Variants in MYO5B observed in about 807,000 individuals in gnomAD.
The protein encoded by MYO5B is myosin VB, also known as unconventional myosin-Vb.
In MYO5B, 143 loss-of-function variants were observed where a neutral mutation model predicts 229.3. The ratio of observed to expected loss-of-function variants is 0.62; its 90% CI spans 0.54 to 0.72. MYO5B has a LOEUF of 0.72. Ranked by LOEUF, MYO5B falls within the 30% of genes least tolerant of loss-of-function variation. The pLI is 0.00. For missense variants in MYO5B, 2,321 were observed against 2,331.0 expected, an observed-to-expected ratio of 1.00 and a Z score of 0.09; for synonymous variants, 918 against 885.2, an observed-to-expected ratio of 1.04 and a Z score of -0.66.
intron 4 of MYO5B, among the ~76,000 whole-genome samples, chr18:50,024,137 G>A (rs755037042): frequency 6.6e-6 from 1 of 152,132 alleles, no homozygotes; most frequent in African/African-American, 2.4e-5. Flanking sequence ...AATGACAAAT[G>A]GAATAAAACT....
chr18:50,036,809 C>A (rs1271486307), intron 4 of MYO5B, 41 bp downstream of exon 4: 1 of 1,612,992 alleles, frequency 6.2e-7, no homozygotes, highest in South Asian at 1.1e-5. Context: ...TTCCTGCCCA[C>A]TGACTACTCA....
intron 4 of MYO5B, 50 bp downstream of exon 4, chr18:50,036,800 T>C: frequency 1.2e-6 from 2 of 1,609,806 alleles, no homozygotes; most frequent in Non-Finnish European, 1.7e-6. Context: ...AAACTCCCCT[T>C]CCTGCCCACT....
At chr18:49,903,134 T>G (rs2024862609) in intron 20 of MYO5B, among the ~76,000 whole-genome samples, 1 of 152,214 alleles carries the variant, frequency 6.6e-6, no homozygotes, top group African/African-American at 2.4e-5. Context: ...AGGGGCCTAA[T>G]GATCATCCAC....
chr18:50,144,743 G>A (rs978371199), intron 1 of MYO5B, among the ~76,000 whole-genome samples: 9 of 152,186 alleles, frequency 5.9e-5, no homozygotes, highest in Non-Finnish European at 1.3e-4. Flanking sequence ...ACAGGAAGAA[G>A]TGTATGGATT....
At chr18:49,920,768 G>A (rs1032664435) in intron 17 of MYO5B, among the ~76,000 whole-genome samples, 2 of 152,156 alleles carry the variant, frequency 1.3e-5, no homozygotes, top group Admixed American at 6.5e-5. Context: ...GGGGAAACTT[G>A]TCAAAATGCA....
intron 1 of MYO5B, among the ~76,000 whole-genome samples, chr18:50,157,998 G>A (rs1436983896): frequency 2.0e-5 from 3 of 152,214 alleles, no homozygotes; most frequent in African/African-American, 4.8e-5. Flanking sequence ...GTGACGAAAT[G>A]TGATCACACA....
Position 49,912,071 on chromosome 18 carries a change from G to GT in MYO5B, c.2192dup (p.Asn731LysfsTer32), listed in dbSNP as rs1568028253. On this transcript the variant is annotated frameshift_variant, in exon 18 of 40. Coordinates refer to ENST00000285039, the MANE Select transcript of MYO5B (RefSeq NM_001080467.3). LOFTEE classifies it high-confidence loss of function. The stretch of plus-strand genomic sequence containing the variant: ...GGGCTGTGTGGCTCACCTTGATGAG[G>GT]TTCTCCAGGACAGACCTGCAGATGG... 1.9e-6 allele frequency: 3 copies of GT among 1,613,796 alleles called. No individual in the cohort carries two copies. The highest frequency in any genetic ancestry group is 2.5e-6 in the Non-Finnish European group (3 of 1,179,680).
chr18:50,098,318 G>A (rs2031592397), intron 1 of MYO5B, among the ~76,000 whole-genome samples: 4 of 152,108 alleles, frequency 2.6e-5, no homozygotes, highest in Admixed American at 2.0e-4. Context: ...GGGGCAAGGT[G>A]TAAACTAGCA....
At chr18:49,903,021 C>T (rs746256094) in intron 20 of MYO5B, among the ~76,000 whole-genome samples, 188 bp from the exon 21 acceptor site, 4 of 152,218 alleles carry the variant, frequency 2.6e-5, no homozygotes, top group Admixed American at 2.0e-4. Flanking sequence ...CGAGGTTCTG[C>T]GCCTACATAT....
At chr18:49,999,347 T>C (rs2144323891) in intron 5 of MYO5B, among the ~76,000 whole-genome samples, 1 of 152,348 alleles carries the variant, frequency 6.6e-6, no homozygotes, top group African/African-American at 2.4e-5. Context: ...GCATAGTACA[T>C]GGTCTAAGGA....
At chr18:49,872,108 T>C in intron 27 of MYO5B, 59 bp downstream of exon 27, 1 of 1,530,204 alleles carries the variant, frequency 6.5e-7, no homozygotes, top group Non-Finnish European at 9.1e-7. Context: ...ATGCCCAGAT[T>C]TGTCATCTGC....
intron 23 of MYO5B, 88 bp downstream of exon 23, chr18:49,880,283 A>C: frequency 1.8e-6 from 2 of 1,117,750 alleles, no homozygotes; most frequent in Non-Finnish European, 2.7e-6. Flanking sequence ...CTCTAGTCTA[A>C]CTGCATGCTT....
chr18:49,951,766 A>G (rs922087572), intron 14 of MYO5B, among the ~76,000 whole-genome samples: 3 of 152,322 alleles, frequency 2.0e-5, no homozygotes, highest in African/African-American at 7.2e-5. Context: ...TTCTGGCCCT[A>G]TAAGTTGTCA....
chr18:50,094,692 A>G (rs539574011), intron 1 of MYO5B, among the ~76,000 whole-genome samples: 99 of 152,230 alleles, frequency 6.5e-4, no homozygotes, highest in African/African-American at 2.3e-3. Flanking sequence ...GATTTGGGTA[A>G]CTCTGGTGTT....
chr18:50,041,838 G>A (rs1445998866), intron 2 of MYO5B, among the ~76,000 whole-genome samples: 1 of 152,036 alleles, frequency 6.6e-6, no homozygotes, highest in Non-Finnish European at 1.5e-5. Context: ...AGTCAAATGG[G>A]AAAAGGGAAA....
intron 1 of MYO5B, among the ~76,000 whole-genome samples, chr18:50,141,221 T>C (rs1013950884): frequency 2.0e-5 from 3 of 152,202 alleles, no homozygotes; most frequent in African/African-American, 4.8e-5. Context: ...TGTTTATCAC[T>C]GCCATGGCAA....
intron 1 of MYO5B, among the ~76,000 whole-genome samples, chr18:50,186,922 T>C (rs1164408230): frequency 6.6e-6 from 1 of 152,192 alleles, no homozygotes; most frequent in African/African-American, 2.4e-5. Flanking sequence ...CTTACCCTTA[T>C]TAACACCATG....
chr18:50,125,063 C>A (rs575595569), intron 1 of MYO5B, among the ~76,000 whole-genome samples: 1 of 152,056 alleles, frequency 6.6e-6, no homozygotes. Context: ...CAGATGGTAC[C>A]CCTGCTGACT....
Position 50,090,056 on chromosome 18 carries a change from T to C in MYO5B, c.28-34678A>G, listed in dbSNP as rs181342758. On this transcript the variant is annotated intron_variant, in intron 1 of 39. Coordinates refer to ENST00000285039, the MANE Select transcript of MYO5B (RefSeq NM_001080467.3). ...TTTCCGCCCCAACTGGGGTTCCCTCTCTCGGCTTTGGAGCCCCACTCCCTT... is the reference window on the plus strand; with the variant it reads ...TTTCCGCCCCAACTGGGGTTCCCTCCCTCGGCTTTGGAGCCCCACTCCCTT... Among the ~76,000 whole-genome samples, 4 of 152,296 alleles carry C rather than the reference T, an allele frequency of 2.6e-5. No homozygotes were observed. In the East Asian group the frequency reaches 7.7e-4, roughly 29 times the overall value.
Sources: allele counts gnomAD v4.1 joint callset (sites outside exome capture counted in the v4.1 genomes callset), GRCh38; gene constraint gnomAD v4.1.1; transcripts MANE v1.5; gene names NCBI Gene and HGNC (gene_info 2026-07-23, HGNC 2026-07-21).